PGM5: variants seen among roughly 807,000 people sequenced by gnomAD.
The protein encoded by PGM5 is phosphoglucomutase 5.
In PGM5, 23 loss-of-function variants were observed where a neutral mutation model predicts 59.2. The ratio of observed to expected loss-of-function variants is 0.39; its 90% CI spans 0.28 to 0.55. PGM5 has a LOEUF of 0.55. Among genes scored for constraint, PGM5 ranks in the 20% least tolerant of loss-of-function variants. PGM5 has a pLI of 0.66. For synonymous variants in PGM5, 214 were observed against 286.0 expected (o/e 0.75, Z 2.54); for missense variants, 574 against 748.3 (o/e 0.77, Z 2.72).
intron 6 of PGM5, among the ~76,000 whole-genome samples, chr9:68,415,292 C>A (rs1314602679): frequency 6.7e-6 from 1 of 149,494 alleles, no homozygotes; most frequent in African/African-American, 2.6e-5. Flanking sequence ...TCTGCCCACA[C>A]CTCTCAGAGA....
intron 2 of PGM5, among the ~76,000 whole-genome samples, chr9:68,379,675 C>A (rs746296651): frequency 8.6e-5 from 13 of 152,024 alleles, no homozygotes; most frequent in Non-Finnish European, 1.8e-4. Flanking sequence ...GGATCAACAA[C>A]AAGATCCAAC....
At chr9:68,462,978 T>A (rs544924795) in intron 6 of PGM5, among the ~76,000 whole-genome samples, 2 of 152,138 alleles carry the variant, frequency 1.3e-5, no homozygotes. Flanking sequence ...CCTACCAGAA[T>A]GTAAGCATGA....
chr9:68,423,685 C>T (rs1823186781), intron 6 of PGM5, among the ~76,000 whole-genome samples: 2 of 151,572 alleles, frequency 1.3e-5, no homozygotes, highest in African/African-American at 2.4e-5. Context: ...CTCTCTCTGC[C>T]TCCCTCTTTC....
intron 6 of PGM5, among the ~76,000 whole-genome samples, chr9:68,401,848 A>G (rs1243482951): frequency 1.2e-4 from 18 of 151,860 alleles, no homozygotes; most frequent in African/African-American, 4.4e-4. Context: ...AAAATGTTCC[A>G]TATCTTGATT....
At chr9:68,395,164 G>T (rs1319539519) in intron 6 of PGM5, among the ~76,000 whole-genome samples, 4 of 152,012 alleles carry the variant, frequency 2.6e-5, no homozygotes, top group African/African-American at 9.7e-5. Context: ...TTTGAGCACG[G>T]TATAAGGTAG....
chr9:68,419,833 T>G (rs924248009), intron 6 of PGM5, among the ~76,000 whole-genome samples: 2 of 152,170 alleles, frequency 1.3e-5, no homozygotes, highest in East Asian at 3.9e-4. Context: ...CAGAATTCTG[T>G]TAGAGCCTCA....
At chr9:68,471,501 A>G (rs1824017345) in intron 7 of PGM5, among the ~76,000 whole-genome samples, 1 of 152,028 alleles carries the variant, frequency 6.6e-6, no homozygotes, top group South Asian at 2.1e-4. Flanking sequence ...CTGTCAAGAA[A>G]CAATTCTTAA....
chr9:68,503,721 G>A (rs1180651407), intron 10 of PGM5, among the ~76,000 whole-genome samples: 13 of 152,182 alleles, frequency 8.5e-5, no homozygotes, highest in Admixed American at 2.0e-4. Flanking sequence ...ACAGAAATGA[G>A]AAGAGTCAGC....
rs1054590415 is a variant in PGM5 at position 68,488,999 on chromosome 9, G to A, written c.1479+4951G>A. On this transcript the variant is annotated intron_variant, in intron 9 of 10. Transcript: ENST00000396396. ...GTGTGATTCATGTGGGTTGCAGGGT[G>A]AGCCACTCTTTCTTCAGGGGCGACT... Among the ~76,000 whole-genome samples the A allele has an allele frequency of 7.2e-5, 11 of 152,128 alleles. No homozygotes were observed. The East Asian group carries it at 2.1e-3, about 29-fold the overall frequency.
intron 1 of PGM5, among the ~76,000 whole-genome samples, chr9:68,366,377 A>G (rs1834678692): frequency 6.6e-6 from 1 of 152,278 alleles, no homozygotes; most frequent in Non-Finnish European, 1.5e-5. Flanking sequence ...ATAAATTTAT[A>G]TGTAGTATGA....
intron 6 of PGM5, among the ~76,000 whole-genome samples, chr9:68,425,331 T>A (rs1244651523): frequency 5.9e-5 from 9 of 152,204 alleles, no homozygotes; most frequent in African/African-American, 1.9e-4. Flanking sequence ...AGTGAAAGCA[T>A]CCCATCTGGT....
At chr9:68,423,082 C>T (rs1823169195) in intron 6 of PGM5, among the ~76,000 whole-genome samples, 1 of 152,168 alleles carries the variant, frequency 6.6e-6, no homozygotes, top group Non-Finnish European at 1.5e-5. Flanking sequence ...GAGTAGTATT[C>T]CATTGTATAT....
At chr9:68,477,761 G>A (rs1824129417) in intron 7 of PGM5, among the ~76,000 whole-genome samples, 1 of 152,210 alleles carries the variant, frequency 6.6e-6, no homozygotes. Flanking sequence ...CCACTGTTCT[G>A]AACATCTGGG....
intron 6 of PGM5, among the ~76,000 whole-genome samples, chr9:68,423,275 T>G (rs1823173514): frequency 6.6e-6 from 1 of 152,258 alleles, no homozygotes; most frequent in African/African-American, 2.4e-5. Flanking sequence ...GTAGTTCTAC[T>G]TTTAGTTCTT....
intron 1 of PGM5, among the ~76,000 whole-genome samples, chr9:68,371,259 C>T (rs1821721435): frequency 1.3e-5 from 2 of 152,310 alleles, no homozygotes; most frequent in Admixed American, 6.5e-5. Flanking sequence ...ATGGCTTGGT[C>T]CTCCCTGGGC....
At chr9:68,395,175 G>C (rs868920012) in intron 6 of PGM5, among the ~76,000 whole-genome samples, 4 of 151,942 alleles carry the variant, frequency 2.6e-5, no homozygotes, top group South Asian at 2.1e-4. Context: ...TATAAGGTAG[G>C]GGTCGAGGTT....
chr9:68,379,389 A>T (rs1348795949), intron 2 of PGM5, among the ~76,000 whole-genome samples: 2 of 152,148 alleles, frequency 1.3e-5, no homozygotes, highest in Non-Finnish European at 2.9e-5. Context: ...GGGAAAACTT[A>T]TTATCTATCC....
chr9:68,473,082 A>G (rs782618828), intron 7 of PGM5, among the ~76,000 whole-genome samples: 5 of 152,074 alleles, frequency 3.3e-5, no homozygotes, highest in Non-Finnish European at 5.9e-5. Flanking sequence ...ATGAAAATCA[A>G]TCTATCTATC....
chr9:68,358,538 T>C (rs570607318), intron 1 of PGM5, among the ~76,000 whole-genome samples: 2 of 152,366 alleles, frequency 1.3e-5, no homozygotes, highest in South Asian at 4.1e-4. Flanking sequence ...AACTTTTCTT[T>C]AAGGAAAGTG....
Sources: allele counts gnomAD v4.1 joint callset (sites outside exome capture counted in the v4.1 genomes callset), GRCh38; gene constraint gnomAD v4.1.1; transcripts MANE v1.5; gene names NCBI Gene and HGNC (gene_info 2026-07-23, HGNC 2026-07-21).